The following PCDHGA3 variants were observed in gnomAD, a reference collection of about 807,000 sequenced individuals.
PCDHGA3 encodes protocadherin gamma-A3.
PCDHGA3 carries 40 observed loss-of-function variants against 58.5 expected under a neutral mutation model. The observed-to-expected ratio is 0.68, with a 90% CI of 0.53 to 0.89. The LOEUF is 0.89. Among genes scored for constraint, PCDHGA3 ranks in the 40% least tolerant of loss-of-function variants. The pLI is 0.00. For missense variants in PCDHGA3, 1,223 were observed against 1,195.9 expected (o/e 1.02, Z -0.33); for synonymous variants, 530 against 525.7 (o/e 1.01, Z -0.11).
chr5:141,398,337 G>T, intron 1 of PCDHGA3: 3 of 1,369,482 alleles, frequency 2.2e-6, no homozygotes, highest in Non-Finnish European at 3.0e-6. Context: ...GCGTCAGTTC[G>T]GAGAAGCCTT....
intron 1 of PCDHGA3, chr5:141,429,167 T>TAC (rs1357037045): frequency 6.6e-5 from 9 of 136,102 alleles, no homozygotes; most frequent in African/African-American, 8.8e-5. Context: ...AGACATTGTT[T>TAC]ATACACACAC....
chr5:141,414,778 C>T (rs1346896593), intron 1 of PCDHGA3: 12 of 1,614,202 alleles, frequency 7.4e-6, no homozygotes, highest in Non-Finnish European at 1.0e-5. Context: ...GCTACAGATG[C>T]AGGTGACAGC....
intron 1 of PCDHGA3, chr5:141,421,585 G>A: frequency 1.2e-6 from 2 of 1,613,916 alleles, no homozygotes; most frequent in Non-Finnish European, 1.7e-6. Context: ...GATTTACGGA[G>A]TGGAGGTGGA....
intron 1 of PCDHGA3, chr5:141,404,727 T>G (rs762980421): frequency 6.2e-7 from 1 of 1,613,912 alleles, no homozygotes; most frequent in Non-Finnish European, 8.5e-7. Flanking sequence ...ACCAAGGTGG[T>G]GGCAGTGGAC....
intron 1 of PCDHGA3, chr5:141,410,680 G>A: frequency 6.5e-7 from 1 of 1,535,692 alleles, no homozygotes; most frequent in Non-Finnish European, 8.7e-7. Flanking sequence ...TCATATTTTA[G>A]GCATACTACT....
At chr5:141,454,871 G>A (rs1337911223) in intron 1 of PCDHGA3, among the ~76,000 whole-genome samples, 2 of 129,030 alleles carry the variant, frequency 1.6e-5, no homozygotes, top group Non-Finnish European at 3.1e-5. Context: ...GCAGTGGCAC[G>A]ATCTTGGCTC....
At position 141,404,170 on chromosome 5, in the gene PCDHGA3, G is replaced by C. The variant is rs73279089; in HGVS notation, c.2424+57713G>C. Reference sequence around the variant, plus strand: ...AAGAAGATTATTACAGATTGTTGACGGCCCAAATTCTTGACCGAGAAAAAG... The same window carrying C: ...AAGAAGATTATTACAGATTGTTGACCGCCCAAATTCTTGACCGAGAAAAAG... On this transcript the variant is annotated intron_variant, in intron 1 of 3. Coordinates refer to ENST00000253812, the MANE Select transcript of PCDHGA3 (RefSeq NM_018916.4). The C allele has an allele frequency of 1.5e-3, 2,365 of 1,612,738 alleles. 32 individuals are homozygous for C. In the African/African-American group the frequency reaches 0.028, roughly 19 times the overall value.
At chr5:141,348,842 G>A (rs1418880987) in intron 1 of PCDHGA3, among the ~76,000 whole-genome samples, 1 of 152,094 alleles carries the variant, frequency 6.6e-6, no homozygotes, top group Non-Finnish European at 1.5e-5. Flanking sequence ...GAGTATGGGT[G>A]AGCACTGCAA....
intron 1 of PCDHGA3, chr5:141,361,627 C>A (rs1389094962): frequency 6.2e-7 from 1 of 1,613,918 alleles, no homozygotes; most frequent in East Asian, 2.2e-5. Context: ...CGACCTGAAG[C>A]CGCGGGAGAT....
chr5:141,490,993 C>G lies in PCDHGA3; in HGVS notation c.2425-3814C>G, dbSNP rs746618787. 1.9e-6 allele frequency: 3 copies of G among 1,614,140 alleles called. No individual in the cohort carries two copies. Among genetic ancestry groups the G allele is most frequent in the Non-Finnish European group, 2.5e-6 (3 of 1,180,030 alleles). On this transcript the variant is annotated intron_variant, in intron 1 of 3. Coordinates refer to ENST00000253812, the MANE Select transcript of PCDHGA3 (RefSeq NM_018916.4). The surrounding 1 kb of genome is among the most constrained non-coding windows in gnomAD (Gnocchi z 5.4). ...CCAGCGTCTCCCTCGCTCTGCTCCT[C>G]CTGGCTCCTTGGTCACCAAGGTGAC...
intron 1 of PCDHGA3, chr5:141,390,308 T>A (rs768472507): frequency 1.2e-6 from 2 of 1,613,092 alleles, no homozygotes; most frequent in African/African-American, 2.7e-5. Context: ...TATAATTTAA[T>A]GCTCATTGCC....
intron 1 of PCDHGA3, chr5:141,419,541 G>A: frequency 6.2e-7 from 1 of 1,612,076 alleles, no homozygotes; most frequent in Non-Finnish European, 8.5e-7. Context: ...AACGCACCGC[G>A]GGTGCTGTAC....
chr5:141,351,171 A>AT, intron 1 of PCDHGA3: 1 of 1,614,038 alleles, frequency 6.2e-7, no homozygotes, highest in Non-Finnish European at 8.5e-7. Context: ...GGCACATTGG[A>AT]TTTTGAAGAG....
At chr5:141,433,056 G>A (rs1422450948) in intron 1 of PCDHGA3, 1 of 1,614,204 alleles carries the variant, frequency 6.2e-7, no homozygotes, top group South Asian at 1.1e-5. Context: ...TCGCGGAAGA[G>A]TCACCTGATC....
At chr5:141,351,265 C>G (rs748596533) in intron 1 of PCDHGA3, 62 of 1,613,778 alleles carry the variant, frequency 3.8e-5, no homozygotes, top group Non-Finnish European at 5.1e-5. Flanking sequence ...AAATTGTTGA[C>G]GAGAATGACA....
At chr5:141,366,818 C>T (rs367913992) in intron 1 of PCDHGA3, 3 of 1,545,048 alleles carry the variant, frequency 1.9e-6, no homozygotes, top group Non-Finnish European at 1.7e-6. Flanking sequence ...ATGTTTCTGT[C>T]ATATTCAGAA....
rs552812176 is a variant in PCDHGA3, at chr5:141,497,407, A to G, written c.2483+2542A>G. Among the ~76,000 whole-genome samples, 43 of 152,204 alleles carry G rather than the reference A, an allele frequency of 2.8e-4. No individual in the cohort carries two copies. In the Middle Eastern group the frequency reaches 0.01, roughly 36 times the overall value. The stretch of plus-strand genomic sequence containing the variant: ...GCACCTTACCCCTGCCTCAACTCCC[A>G]TTCCATCAAATGAGAGGCTTAGTGG... On this transcript the variant is annotated intron_variant, in intron 2 of 3. Coordinates refer to ENST00000253812, the MANE Select transcript of PCDHGA3 (RefSeq NM_018916.4).
At position 141,485,929 on chromosome 5, in the gene PCDHGA3, G is replaced by A; in HGVS notation, c.2425-8878G>A. 1 of 1,614,150 alleles carries A rather than the reference G, an allele frequency of 6.2e-7. No homozygotes were observed. The highest frequency in any genetic ancestry group is 8.5e-7 in the Non-Finnish European group (1 of 1,180,036). ...AATCCAGCTACAGGATTAGTGTGTT[G>A]GAGAGCGCACCAGCGGGCATGGTGC... On this transcript the variant is annotated intron_variant, in intron 1 of 3. Coordinates refer to ENST00000253812, the MANE Select transcript of PCDHGA3 (RefSeq NM_018916.4). This position sits in a 1 kb window ranked among gnomAD's most constrained non-coding sequence, Gnocchi z 5.7.
In PCDHGA3 at chr5:141,490,795, C is replaced by A; in HGVS notation, c.2425-4012C>A. The A allele has an allele frequency of 1.3e-5, 21 of 1,614,036 alleles. No homozygotes were observed. Among genetic ancestry groups the A allele is most frequent in the Non-Finnish European group, 1.8e-5 (21 of 1,179,922 alleles). On this transcript the variant is annotated intron_variant, in intron 1 of 3. Coordinates refer to ENST00000253812, the MANE Select transcript of PCDHGA3 (RefSeq NM_018916.4). This position sits in a 1 kb window ranked among gnomAD's most constrained non-coding sequence, Gnocchi z 5.4. ...CCCAGAGGATGGACGGATCTTTGCC[C>A]AGCGTACCTTTGACTATGAATTGCT...
Sources: gnomAD v4.1 joint callset for allele counts (sites outside exome capture counted in the v4.1 genomes callset) on GRCh38, gnomAD v4.1.1 for gene constraint, Gnocchi (gnomAD v3.1) non-coding constraint, MANE v1.5 for transcripts, NCBI Gene and HGNC (gene_info 2026-07-23, HGNC 2026-07-21) for gene names.